The following RANBP3 variants were observed in gnomAD, a reference collection of about 807,000 sequenced individuals.
RANBP3 encodes ran-binding protein 3.
A neutral mutation model predicts 77.3 loss-of-function variants in RANBP3; 14 were observed. The observed-to-expected ratio is 0.18, with a 90% CI of 0.12 to 0.28. The LOEUF is 0.28. Ranked by LOEUF, RANBP3 falls within the 10% of genes least tolerant of loss-of-function variation. The pLI is 1.00. For synonymous variants in RANBP3, 315 were observed against 312.4 expected, an observed-to-expected ratio of 1.01 and a Z score of -0.09; for missense variants, 586 against 752.3, an observed-to-expected ratio of 0.78 and a Z score of 2.59.
At chr19:5,969,517 C>T (rs1363866043) in intron 1 of RANBP3, among the ~76,000 whole-genome samples, 1 of 152,266 alleles carries the variant, frequency 6.6e-6, no homozygotes, top group Non-Finnish European at 1.5e-5. Context: ...ACTACTGTCT[C>T]TAGAATTTCC....
Position 5,958,100 on chromosome 19 carries a change from C to G in RANBP3, c.23-127G>C, listed in dbSNP as rs2058356881. The stretch of plus-strand genomic sequence containing the variant: ...CTAGTAACTCCAGAGAACATCAAAT[C>G]ACTTAGAACAGCGTCTTGACTCGGA... On this transcript the variant is annotated intron_variant, in intron 1 of 16. Coordinates refer to ENST00000340578, the MANE Select transcript of RANBP3 (RefSeq NM_007322.3). The surrounding 1 kb of genome is among the most constrained non-coding windows in gnomAD (Gnocchi z 4.4). 2.4e-6 allele frequency: 2 copies of G among 847,266 alleles called. No homozygotes were observed. Among genetic ancestry groups the G allele is most frequent in the Non-Finnish European group, 3.7e-6 (2 of 539,484 alleles). The allele number at this position is 847,266 out of a possible 1,614,324, so 52.5% of individuals were successfully genotyped here.
At chr19:5,965,216 C>T (rs945550411) in intron 1 of RANBP3, among the ~76,000 whole-genome samples, 7 of 151,860 alleles carry the variant, frequency 4.6e-5, no homozygotes, top group Non-Finnish European at 8.8e-5. Context: ...GGTGTGTGTG[C>T]GAAGTCCATA....
At chr19:5,930,224 C>T (rs900175665) in intron 8 of RANBP3, among the ~76,000 whole-genome samples, 12 of 152,218 alleles carry the variant, frequency 7.9e-5, no homozygotes, top group Admixed American at 2.6e-4. Flanking sequence ...CCGCAGAATG[C>T]GGTGGAAATG....
chr19:5,972,862 C>T (rs920137749), intron 1 of RANBP3, among the ~76,000 whole-genome samples: 3 of 152,212 alleles, frequency 2.0e-5, no homozygotes, highest in Non-Finnish European at 4.4e-5. Flanking sequence ...CCCAGGTTGA[C>T]CCTAACACCT....
intron 1 of RANBP3, among the ~76,000 whole-genome samples, chr19:5,977,741 C>T (rs1380462114): frequency 6.6e-6 from 1 of 152,234 alleles, no homozygotes; most frequent in African/African-American, 2.4e-5. Context: ...GGCCGAAGCA[C>T]TGGGGCCGCG....
intron 12 of RANBP3, 118 bp from the exon 13 acceptor site, chr19:5,923,421 G>C: frequency 1.0e-6 from 1 of 992,826 alleles, no homozygotes; most frequent in Non-Finnish European, 1.5e-6. Context: ...TGCTGCCCCT[G>C]GCAGGCCTGC....
intron 5 of RANBP3, among the ~76,000 whole-genome samples, chr19:5,940,617 C>T (rs564921300): frequency 9.8e-4 from 149 of 152,302 alleles, no homozygotes; most frequent in African/African-American, 3.5e-3. Flanking sequence ...GTTCCTGTAA[C>T]GCATGCGTGA....
rs2057776985 is a variant in RANBP3, at chr19:5,918,618, G to A, written c.1351C>T (p.Leu451=). The stretch of plus-strand genomic sequence containing the variant: ...AGCTTGGTGTTGAGGATCAGTCGCA[G>A]GCTCCCCTGGGTCCGCATCACTACA... ...SRLVMRTQGS[L]RLILNTKLWA... is the part of the protein sequence containing the mutation. Residue 451 remains leucine, a synonymous_variant, in exon 15 of 17, where the codon CTG becomes TTG. Coordinates refer to ENST00000340578, the MANE Select transcript of RANBP3 (RefSeq NM_007322.3). 1.2e-6 allele frequency: 2 copies of A among 1,613,662 alleles called. No homozygotes were observed. The highest frequency in any genetic ancestry group is 1.7e-6 in the Non-Finnish European group (2 of 1,179,918).
chr19:5,925,212 C>T (rs889998143), intron 10 of RANBP3: 10 of 490,928 alleles, frequency 2.0e-5, no homozygotes, highest in African/African-American at 1.5e-4. Flanking sequence ...GCAGCTGGTC[C>T]GTGGGTAGCA....
chr19:5,948,818 C>T (rs2058240224), intron 3 of RANBP3, among the ~76,000 whole-genome samples: 1 of 152,096 alleles, frequency 6.6e-6, no homozygotes, highest in Non-Finnish European at 1.5e-5. Context: ...TGAAGCTCGG[C>T]AGGTCCTTGG....
At chr19:5,942,570 G>C (rs1364177061) in intron 3 of RANBP3, among the ~76,000 whole-genome samples, 1 of 152,066 alleles carries the variant, frequency 6.6e-6, no homozygotes, top group Non-Finnish European at 1.5e-5. Context: ...GCTGGGCGTG[G>C]TGGTGCACGC....
chr19:5,951,662 G>T, intron 2 of RANBP3, 66 bp from the exon 3 acceptor site: 1 of 1,459,446 alleles, frequency 6.9e-7, no homozygotes. Context: ...CAGGAAGGGC[G>T]GGCAGGGGTC....
intron 5 of RANBP3, chr19:5,933,686 G>C (rs376475433): frequency 2.0e-6 from 1 of 510,602 alleles, no homozygotes; most frequent in East Asian, 3.5e-5. Flanking sequence ...AGGGCAGGAG[G>C]AACGATGGCT....
intron 5 of RANBP3, chr19:5,935,965 A>G (rs563126385): frequency 2.9e-6 from 1 of 350,120 alleles, no homozygotes. Flanking sequence ...ATCACTCCAG[A>G]GAGGAAGAGG....
At chr19:5,941,575 T>C in intron 5 of RANBP3, 46 bp downstream of exon 5, 19 of 1,511,930 alleles carry the variant, frequency 1.3e-5, no homozygotes, top group Non-Finnish European at 1.6e-5. Context: ...ATGGCGGGTT[T>C]GTAAGCATAA....
intron 1 of RANBP3, chr19:5,962,793 G>A (rs891468351): frequency 6.6e-6 from 3 of 455,214 alleles, no homozygotes; most frequent in African/African-American, 6.0e-5. Context: ...CACGGCTATC[G>A]CAAACAGACA....
chr19:5,938,066 A>G (rs1180383478), intron 5 of RANBP3, among the ~76,000 whole-genome samples: 1 of 151,704 alleles, frequency 6.6e-6, no homozygotes, highest in Non-Finnish European at 1.5e-5. Flanking sequence ...TGGTCGGCTC[A>G]AAACAGTTTG....
chr19:5,925,170 G>A (rs1259026549), intron 10 of RANBP3: 8 of 528,570 alleles, frequency 1.5e-5, no homozygotes, highest in East Asian at 1.0e-4. Flanking sequence ...TCTCCCAGTC[G>A]GGACACGCTT....
chr19:5,970,090 G>A (rs2058513272), intron 1 of RANBP3, among the ~76,000 whole-genome samples: 1 of 152,148 alleles, frequency 6.6e-6, no homozygotes, highest in African/African-American at 2.4e-5. Flanking sequence ...GGAGGAAACT[G>A]TTACAGACAT....
Sources: gnomAD v4.1 joint callset for allele counts (sites outside exome capture counted in the v4.1 genomes callset) on GRCh38, gnomAD v4.1.1 for gene constraint, Gnocchi (gnomAD v3.1) non-coding constraint, MANE v1.5 for transcripts, NCBI Gene and HGNC (gene_info 2026-07-23, HGNC 2026-07-21) for gene names.